The following RBFOX1 variants were observed in gnomAD, a reference collection of about 807,000 sequenced individuals.
The protein encoded by RBFOX1 is RNA binding protein fox-1 homolog 1.
In RBFOX1, 8 loss-of-function variants were observed where a neutral mutation model predicts 57.7. That is an observed-to-expected ratio of 0.14 (90% CI 0.08 to 0.25). The LOEUF is 0.25. Ranked by LOEUF, RBFOX1 falls within the 10% of genes least tolerant of loss-of-function variation. The pLI, the probability that RBFOX1 is intolerant of heterozygous loss-of-function variation, is 1.00. For synonymous variants in RBFOX1, 326 were observed against 222.4 expected (o/e 1.47, Z -4.15); for missense variants, 611 against 548.5 (o/e 1.11, Z -1.14).
chr16:7,252,259 A>C (rs976903689), intron 4 of RBFOX1, among the ~76,000 whole-genome samples: 1 of 152,318 alleles, frequency 6.6e-6, no homozygotes, highest in South Asian at 2.1e-4. Flanking sequence ...CGTTCATTCA[A>C]AACTTTAAAT....
At chr16:7,355,869 C>T (rs924134883) in intron 4 of RBFOX1, among the ~76,000 whole-genome samples, 3 of 152,248 alleles carry the variant, frequency 2.0e-5, no homozygotes, top group African/African-American at 7.2e-5. Context: ...GCTCCCTCCA[C>T]CTGCTCTGCC....
At chr16:6,591,719 A>G (rs996691712) in intron 2 of RBFOX1, among the ~76,000 whole-genome samples, 1 of 152,194 alleles carries the variant, frequency 6.6e-6, no homozygotes, top group African/African-American at 2.4e-5. Flanking sequence ...TCTAATTTGT[A>G]CTATTATATT....
chr16:6,822,187 A>G (rs758347893), intron 3 of RBFOX1, among the ~76,000 whole-genome samples: 3 of 152,134 alleles, frequency 2.0e-5, no homozygotes, highest in Non-Finnish European at 4.4e-5. Context: ...AGAGGGGAGA[A>G]TGATGGATGG....
chr16:6,253,590 G>A (rs1322974025), intron 1 of RBFOX1, among the ~76,000 whole-genome samples: 2 of 134,834 alleles, frequency 1.5e-5, no homozygotes, highest in African/African-American at 5.0e-5. Context: ...AATGGTTGAT[G>A]ATAGATAGAT....
chr16:6,426,557 G>A (rs1416019292), intron 2 of RBFOX1, among the ~76,000 whole-genome samples: 1 of 152,082 alleles, frequency 6.6e-6, no homozygotes, highest in Non-Finnish European at 1.5e-5. Flanking sequence ...CTTGAGCCCA[G>A]GAGGCCGAGG....
chr16:7,672,865 CAAAAAAA>C lies in RBFOX1; in HGVS notation c.931-3892_931-3886del, dbSNP rs56693228. On this transcript the variant is annotated intron_variant, in intron 13 of 15. Coordinates refer to ENST00000550418, the MANE Select transcript of RBFOX1 (RefSeq NM_018723.4). ...CTGGGTGACAGAGAAGACTCCATCT[CAAAAAAA>C]AAAAAAAAAAAAAAAAGAACATATA... Among the ~76,000 whole-genome samples, 10 of 42,890 alleles carry C rather than the reference CAAAAAAA, an allele frequency of 2.3e-4. No homozygotes were observed. In the South Asian group the frequency reaches 6.0e-3, roughly 26 times the overall value. 28.1% of individuals were successfully genotyped at this position (42,890 alleles called of 152,430 possible). A position where few individuals can be genotyped will look rare whatever the true frequency, so the allele number is the denominator to read the frequency against.
At chr16:7,613,826 A>T (rs770890183) in intron 10 of RBFOX1, among the ~76,000 whole-genome samples, 1 of 152,150 alleles carries the variant, frequency 6.6e-6, no homozygotes, top group Non-Finnish European at 1.5e-5. Context: ...TTTGGATACA[A>T]TAGCATCTGA....
At chr16:5,940,293 G>T (rs1279514308) in intron 4 of RBFOX1, among the ~76,000 whole-genome samples, 1 of 152,122 alleles carries the variant, frequency 6.6e-6, no homozygotes, top group Non-Finnish European at 1.5e-5. Flanking sequence ...TTCAGTATTT[G>T]AACTAGATGG....
chr16:7,192,460 C>T (rs562460720), intron 4 of RBFOX1, among the ~76,000 whole-genome samples: 6 of 152,216 alleles, frequency 3.9e-5, no homozygotes, highest in East Asian at 3.9e-4. Flanking sequence ...GATTATAATA[C>T]GTGGAATGTA....
chr16:5,288,637 T>TA (rs1481072997), intron 1 of RBFOX1, among the ~76,000 whole-genome samples: 1 of 146,988 alleles, frequency 6.8e-6, no homozygotes, highest in Non-Finnish European at 1.5e-5. Flanking sequence ...CTTTTCTTTT[T>TA]TTTTTTAACT....
rs76305107 is a variant in RBFOX1, at chr16:7,024,484, C to G, written c.-15-27573C>G. ...TCCATAGCTTCTCTCTCATGCACTT[C>G]TTAATAATAAGCAGTAGTTATAGGC... On this transcript the variant is annotated intron_variant, in intron 3 of 15. Coordinates refer to ENST00000550418, the MANE Select transcript of RBFOX1 (RefSeq NM_018723.4). Among the ~76,000 whole-genome samples the G allele has an allele frequency of 3.0e-3, 452 of 152,284 alleles. 1 individual carries two copies. The highest frequency in any genetic ancestry group is 3.9e-3 in the Non-Finnish European group (268 of 68,026).
At chr16:6,547,953 G>A (rs1055266578) in intron 2 of RBFOX1, among the ~76,000 whole-genome samples, 5 of 152,186 alleles carry the variant, frequency 3.3e-5, no homozygotes, top group Admixed American at 6.5e-5. Context: ...GCTGGGAAAC[G>A]TAGAGAAGAC....
At position 7,039,683 on chromosome 16, in the gene RBFOX1, A is replaced by G. The variant is rs117699695; in HGVS notation, c.-15-12374A>G. Among the ~76,000 whole-genome samples the G allele has an allele frequency of 4.2e-3, 644 of 152,288 alleles. 6 individuals carry two copies. Among genetic ancestry groups the G allele is most frequent in the East Asian group, 0.024 (126 of 5,176 alleles). On this transcript the variant is annotated intron_variant, in intron 3 of 15. Transcript: ENST00000550418. ...TAAACTATCCTGTCTTCTTAGAATC[A>G]GAGGACACACTTTATTGTGTGATAC... is the stretch of plus-strand genomic sequence containing the variant.
intron 3 of RBFOX1, among the ~76,000 whole-genome samples, chr16:6,897,634 C>CA (rs199544058): frequency 1.0e-3 from 152 of 150,870 alleles, no homozygotes; most frequent in African/African-American, 3.5e-3. Context: ...TCTATTAAAA[C>CA]AAAAAAAAAT....
chr16:5,945,741 C>G (rs2059388628), intron 4 of RBFOX1, among the ~76,000 whole-genome samples: 1 of 152,214 alleles, frequency 6.6e-6, no homozygotes. Flanking sequence ...CATCACCACC[C>G]CTGACTTTGC....
At chr16:6,973,759 C>T (rs997790321) in intron 3 of RBFOX1, among the ~76,000 whole-genome samples, 23 of 152,142 alleles carry the variant, frequency 1.5e-4, no homozygotes, top group Non-Finnish European at 4.4e-5. Context: ...CTGTGTTACC[C>T]ATTAACCGGT....
At chr16:7,553,761 A>C (rs963431100) in intron 5 of RBFOX1, among the ~76,000 whole-genome samples, 5 of 152,224 alleles carry the variant, frequency 3.3e-5, no homozygotes, top group African/African-American at 1.2e-4. Context: ...TAGGGTAATC[A>C]CAACCCAATT....
rs989833936 is a variant in RBFOX1 at position 5,660,034 on chromosome 16, C to T, written c.318+61073C>T. Among the ~76,000 whole-genome samples the T allele has an allele frequency of 4.6e-5, 7 of 152,026 alleles. No individual in the cohort carries two copies. The East Asian group carries it at 1.2e-3, about 25-fold the overall frequency. ...TCTATTTTTATGAATTTAAAAACAT[C>T]CTGAGAGGGGACCCATAGGCTTTGT... On this transcript the variant is annotated intron_variant, in intron 3 of 19. Transcript: ENST00000641259.
At chr16:5,483,973 C>T (rs1442832242) in intron 2 of RBFOX1, among the ~76,000 whole-genome samples, 1 of 152,014 alleles carries the variant, frequency 6.6e-6, no homozygotes, top group Non-Finnish European at 1.5e-5. Context: ...GAGTTTCAGA[C>T]TAGCCTGAGC....
Sources: allele counts gnomAD v4.1 joint callset (sites outside exome capture counted in the v4.1 genomes callset), GRCh38; gene constraint gnomAD v4.1.1; transcripts MANE v1.5; gene names NCBI Gene and HGNC (gene_info 2026-07-23, HGNC 2026-07-21).